UNC13C: variants seen among roughly 807,000 people sequenced by gnomAD.
The protein encoded by UNC13C is unc-13 homolog C.
UNC13C carries 174 observed loss-of-function variants against 245.4 expected under a neutral mutation model. The observed-to-expected ratio is 0.71, with a 90% CI of 0.63 to 0.80. UNC13C has a LOEUF of 0.80. UNC13C is among the 30% of genes least tolerant of loss of function. The pLI, the probability that UNC13C is intolerant of heterozygous loss-of-function variation, is 0.00. For synonymous variants in UNC13C, 992 were observed against 895.1 expected (o/e 1.11, Z -1.93); for missense variants, 2,829 against 2,602.9 (o/e 1.09, Z -1.89).
intron 1 of UNC13C, among the ~76,000 whole-genome samples, chr15:53,995,040 G>T (rs1894556280): frequency 6.6e-6 from 1 of 152,084 alleles, no homozygotes. Context: ...GTATAATTAG[G>T]ATAATATTGC....
chr15:54,441,693 G>A (rs1890532804), intron 19 of UNC13C, among the ~76,000 whole-genome samples: 2 of 118,024 alleles, frequency 1.7e-5, no homozygotes, highest in Non-Finnish European at 3.7e-5. Context: ...GGCTACATAG[G>A]AATTTTAGGA....
rs142161289 is a variant in UNC13C, at chr15:54,131,226, C to A, written c.2984-11792C>A. Among the ~76,000 whole-genome samples the A allele has an allele frequency of 8.0e-3, 1,220 of 152,260 alleles. 20 individuals carry two copies. Among genetic ancestry groups the A allele is most frequent in the African/African-American group, 0.028 (1,171 of 41,546 alleles). On this transcript the variant is annotated intron_variant, in intron 2 of 32. Coordinates refer to ENST00000260323, the MANE Select transcript of UNC13C (RefSeq NM_001080534.3). The stretch of plus-strand genomic sequence containing the variant: ...TATATGTGGACCAGAGGGAAGAATC[C>A]TTCCATGTGGTATCTTATTTTGCTT...
chr15:53,917,236 A>G, the UNC13C span, among the ~76,000 whole-genome samples: 1 of 152,150 alleles, frequency 6.6e-6, no homozygotes, highest in Non-Finnish European at 1.5e-5. Context: ...AAGTGATTTC[A>G]CCTGATGAAT....
At chr15:54,115,202 C>T (rs547135705) in intron 2 of UNC13C, among the ~76,000 whole-genome samples, 1 of 152,218 alleles carries the variant, frequency 6.6e-6, no homozygotes, top group Admixed American at 6.5e-5. Context: ...CACTGTTATA[C>T]ATATACTTAC....
chr15:54,242,025 A>G (rs112028738), intron 7 of UNC13C, among the ~76,000 whole-genome samples: 1 of 152,308 alleles, frequency 6.6e-6, no homozygotes, highest in African/African-American at 2.4e-5. Context: ...CAAGTTATGG[A>G]AACTTTCATG....
At chr15:54,234,593 T>G (rs1380644048) in intron 4 of UNC13C, among the ~76,000 whole-genome samples, 1 of 152,212 alleles carries the variant, frequency 6.6e-6, no homozygotes, top group Non-Finnish European at 1.5e-5. Flanking sequence ...TTCTGGAGTT[T>G]AATTTGTGAA....
the UNC13C span, among the ~76,000 whole-genome samples, chr15:53,965,617 C>T: frequency 8.0e-5 from 12 of 150,724 alleles, no homozygotes; most frequent in African/African-American, 2.9e-4. Flanking sequence ...GCACAATGTG[C>T]ATGTTAGTTA....
intron 16 of UNC13C, among the ~76,000 whole-genome samples, chr15:54,335,483 AACCACC>A (rs2038549787): frequency 6.6e-6 from 1 of 152,138 alleles, no homozygotes; most frequent in South Asian, 2.1e-4. Flanking sequence ...GTAGTCATAT[AACCACC>A]AGAGCAATAA....
intron 18 of UNC13C, among the ~76,000 whole-genome samples, chr15:54,412,763 A>G (rs1407673458): frequency 6.6e-6 from 1 of 152,164 alleles, no homozygotes. Context: ...TTCCTTTGCT[A>G]TCTATATGCC....
the UNC13C span, among the ~76,000 whole-genome samples, chr15:53,839,699 C>T: frequency 0.024 from 3,651 of 152,048 alleles, 65 homozygotes; most frequent in Middle Eastern, 0.044. Context: ...TTTCTAACAT[C>T]TTATATGGTG....
intron 2 of UNC13C, among the ~76,000 whole-genome samples, chr15:54,034,190 A>G (rs1896478482): frequency 6.6e-6 from 1 of 152,214 alleles, no homozygotes; most frequent in Non-Finnish European, 1.5e-5. Flanking sequence ...GGGAAAGGTC[A>G]GAGTGTCTTT....
the UNC13C span, chr15:53,912,606 T>C: frequency 1.3e-5 from 2 of 152,164 alleles, no homozygotes; most frequent in African/African-American, 4.8e-5. Context: ...GGGGTGGACA[T>C]TTTGCATGAT....
intron 2 of UNC13C, among the ~76,000 whole-genome samples, chr15:54,135,459 A>G (rs1294379942): frequency 6.6e-6 from 1 of 152,210 alleles, no homozygotes; most frequent in African/African-American, 2.4e-5. Flanking sequence ...TTAAGAATCC[A>G]TTCCAAGTTA....
At chr15:53,926,031 A>G in the UNC13C span, among the ~76,000 whole-genome samples, 1 of 152,234 alleles carries the variant, frequency 6.6e-6, no homozygotes, top group Non-Finnish European at 1.5e-5. Context: ...GGGAGCTTAC[A>G]AAGCATATTT....
chr15:54,602,501 T>C (rs113260261), intron 30 of UNC13C, among the ~76,000 whole-genome samples: 2 of 152,236 alleles, frequency 1.3e-5, no homozygotes, highest in Admixed American at 6.5e-5. Flanking sequence ...CAGTAGATTA[T>C]ATGCTTTTAA....
At chr15:54,189,174 T>A (rs1193586301) in intron 4 of UNC13C, among the ~76,000 whole-genome samples, 2 of 152,136 alleles carry the variant, frequency 1.3e-5, no homozygotes, top group Non-Finnish European at 2.9e-5. Context: ...AAAAGCTCAT[T>A]TTCTTTGTCC....
chr15:54,186,825 AC>A (rs901425953), intron 4 of UNC13C, among the ~76,000 whole-genome samples: 1 of 144,676 alleles, frequency 6.9e-6, no homozygotes, highest in African/African-American at 2.6e-5. Context: ...ACTGACACAT[AC>A]AAAGAACATA....
At chr15:54,143,473 T>G (rs1446320424) in intron 3 of UNC13C, 147 bp from the exon 4 acceptor site, 1 of 609,038 alleles carries the variant, frequency 1.6e-6, no homozygotes, top group Non-Finnish European at 2.9e-6. Context: ...ACACAGTAGC[T>G]TTGACTTGGA....
At chr15:54,100,348 T>C (rs1281091953) in intron 2 of UNC13C, among the ~76,000 whole-genome samples, 1 of 152,170 alleles carries the variant, frequency 6.6e-6, no homozygotes, top group Non-Finnish European at 1.5e-5. Context: ...AACTGGTTAC[T>C]CTCTGCTTAT....
Sources: gnomAD v4.1 joint callset for allele counts (sites outside exome capture counted in the v4.1 genomes callset) on GRCh38, gnomAD v4.1.1 for gene constraint, MANE v1.5 for transcripts, NCBI Gene and HGNC (gene_info 2026-07-23, HGNC 2026-07-21) for gene names.